WIF1: variants seen among roughly 807,000 people sequenced by gnomAD.
WIF1 encodes Wnt inhibitory factor 1.
A neutral mutation model predicts 53.5 loss-of-function variants in WIF1; 35 were observed. The ratio of observed to expected loss-of-function variants is 0.65; its 90% CI spans 0.50 to 0.87. The LOEUF is 0.87. Ranked by LOEUF, WIF1 falls within the 40% of genes least tolerant of loss-of-function variation. The pLI is 0.00. For missense variants in WIF1, 467 were observed against 476.8 expected, an observed-to-expected ratio of 0.98 and a Z score of 0.19; for synonymous variants, 171 against 170.4, an observed-to-expected ratio of 1.00 and a Z score of -0.03.
At chr12:65,083,022 C>G (rs1167988673) in intron 2 of WIF1, among the ~76,000 whole-genome samples, 1 of 152,134 alleles carries the variant, frequency 6.6e-6, no homozygotes, top group Non-Finnish European at 1.5e-5. Context: ...TTTATAGATA[C>G]AAAACACACA....
chr12:65,077,825 C>T lies in WIF1; in HGVS notation c.318G>A (p.Leu106=), dbSNP rs1489246637. The part of the protein sequence containing the change: ...QAEYFYEFLS[L]RSLDKGIMAD... ...CCATGATGCCTTTATCCAGGGAGCG[C>T]AAGGACAGGAATTCATAGAAGTATT... The change falls in exon 3 of 10, where the codon TTG becomes TTA. Residue 106 remains leucine (L), a synonymous_variant. Transcript: ENST00000286574. The T allele has an allele frequency of 1.9e-6, 3 of 1,613,674 alleles. No homozygotes were observed. Among genetic ancestry groups the T allele is most frequent in the Non-Finnish European group, 2.5e-6 (3 of 1,179,844 alleles).
intron 2 of WIF1, among the ~76,000 whole-genome samples, chr12:65,079,278 A>G (rs1882912690): frequency 6.6e-6 from 1 of 152,048 alleles, no homozygotes; most frequent in Non-Finnish European, 1.5e-5. Flanking sequence ...TGATAAAATG[A>G]ACTCCTTGAG....
chr12:65,116,769 C>T (rs1883517506), intron 2 of WIF1, among the ~76,000 whole-genome samples: 1 of 151,392 alleles, frequency 6.6e-6, no homozygotes, highest in Admixed American at 6.6e-5. Flanking sequence ...CCCGTCTCTA[C>T]TAAAGATACA....
At chr12:65,062,089 G>A (rs953729815) in intron 7 of WIF1, among the ~76,000 whole-genome samples, 7 of 152,094 alleles carry the variant, frequency 4.6e-5, no homozygotes, top group African/African-American at 9.7e-5. Context: ...GGCAGTGAGC[G>A]GCAGGGGAAA....
intron 6 of WIF1, among the ~76,000 whole-genome samples, chr12:65,063,098 C>T (rs940732904): frequency 6.6e-6 from 1 of 152,032 alleles, no homozygotes; most frequent in Non-Finnish European, 1.5e-5. Flanking sequence ...TTATGACTTT[C>T]GGAGAAAAGA....
chr12:65,087,340 C>T (rs1428450979), intron 2 of WIF1, among the ~76,000 whole-genome samples: 3 of 152,104 alleles, frequency 2.0e-5, no homozygotes, highest in African/African-American at 7.2e-5. Flanking sequence ...ACTTGAGTAG[C>T]ACATATAAGT....
intron 2 of WIF1, among the ~76,000 whole-genome samples, chr12:65,116,188 A>G (rs182778839): frequency 5.9e-4 from 90 of 152,298 alleles, no homozygotes; most frequent in African/African-American, 2.1e-3. Context: ...AGAATATACT[A>G]TATTATACAC....
intron 2 of WIF1, among the ~76,000 whole-genome samples, chr12:65,099,848 A>G (rs1439304286): frequency 6.6e-6 from 1 of 152,180 alleles, no homozygotes; most frequent in Non-Finnish European, 1.5e-5. Flanking sequence ...CCAGCCAGTA[A>G]TGTCAATAAC....
At chr12:65,055,753 C>T (rs571548645) in intron 8 of WIF1, among the ~76,000 whole-genome samples, 5 of 152,284 alleles carry the variant, frequency 3.3e-5, no homozygotes, top group Admixed American at 6.5e-5. Flanking sequence ...CCAGCCTGGG[C>T]GACAGAGAGA....
At chr12:65,103,269 C>T (rs540779732) in intron 2 of WIF1, among the ~76,000 whole-genome samples, 1 of 152,098 alleles carries the variant, frequency 6.6e-6, no homozygotes, top group Non-Finnish European at 1.5e-5. Context: ...CATGATTTTT[C>T]CTTAGTTTTT....
At position 65,067,741 on chromosome 12, in the gene WIF1, G is replaced by T. The variant is rs1223701488; in HGVS notation, c.588C>A (p.Arg196=). 6.2e-7 allele frequency: 1 copy of T among 1,613,392 alleles called. No individual in the cohort carries two copies. Among genetic ancestry groups the T allele is most frequent in the South Asian group, 1.1e-5 (1 of 91,078 alleles). ...CRNGGFCNER[R]ICECPDGFHG... is the part of the protein sequence containing the mutation. ...GGAACCCATCAGGACACTCGCAGAT[G>T]CGTCTTTCATTACAAAAGCCTCCAT... Residue 196 remains arginine, a synonymous_variant, in exon 5 of 10, where the codon CGC becomes CGA. Coordinates refer to ENST00000286574, the MANE Select transcript of WIF1 (RefSeq NM_007191.5).
At chr12:65,056,879 A>T (rs1023709963) in intron 7 of WIF1, among the ~76,000 whole-genome samples, 12 of 152,010 alleles carry the variant, frequency 7.9e-5, no homozygotes, top group Admixed American at 2.0e-4. Flanking sequence ...CGAACTCCTG[A>T]CCTCAAGTGA....
In WIF1 at chr12:65,051,045, A is replaced by G. The variant is rs1227716023; in HGVS notation, c.*304T>C. On this transcript the variant is annotated 3_prime_UTR_variant, in exon 10 of 10. Transcript: ENST00000286574. ...TGATGTTCCCCTGCCCCCAGACACC[A>G]TAAATGCATTGTAATTTTGAAAATA... 3.7e-6 allele frequency: 1 copy of G among 267,432 alleles called. No homozygotes were observed. Among genetic ancestry groups the G allele is most frequent in the Non-Finnish European group, 7.1e-6 (1 of 141,584 alleles). 16.6% of individuals were successfully genotyped at this position (267,432 alleles called of 1,614,324 possible).
At chr12:65,086,061 C>T (rs1280536802) in intron 2 of WIF1, among the ~76,000 whole-genome samples, 1 of 151,090 alleles carries the variant, frequency 6.6e-6, no homozygotes, top group African/African-American at 2.4e-5. Flanking sequence ...AGGTTTTTTA[C>T]TTTTATTTTT....
chr12:65,098,656 C>CTGTG (rs113954429), intron 2 of WIF1, among the ~76,000 whole-genome samples: 2,150 of 150,802 alleles, frequency 0.014, 62 homozygotes, highest in African/African-American at 0.049. Context: ...ACATTAAAGT[C>CTGTG]TGTGTGTGTG....
In WIF1 at chr12:65,066,700, C is replaced by CAA; in HGVS notation, c.669_670dup (p.Cys224PhefsTer3). 1.9e-6 allele frequency: 3 copies of CAA among 1,610,488 alleles called. No homozygotes were observed. The highest frequency in any genetic ancestry group is 2.5e-6 in the Non-Finnish European group (3 of 1,178,064). On this transcript the variant is annotated frameshift_variant, in exon 6 of 10. Coordinates refer to ENST00000286574, the MANE Select transcript of WIF1 (RefSeq NM_007191.5). LOFTEE classifies it high-confidence loss of function. ...GCAGATGCAGAAACCAGGAGTCACA[C>CAA]AAAGTCCACCATTCATACATCGTGG...
chr12:65,075,786 G>A (rs1882852059), intron 3 of WIF1, among the ~76,000 whole-genome samples: 1 of 152,180 alleles, frequency 6.6e-6, no homozygotes, highest in Admixed American at 6.5e-5. Flanking sequence ...GGATTTTAAA[G>A]CCTCTGCATA....
At chr12:65,112,404 TCACACACACACACACACACACACA>T (rs758383148) in intron 2 of WIF1, among the ~76,000 whole-genome samples, 2 of 123,536 alleles carry the variant, frequency 1.6e-5, no homozygotes, top group East Asian at 2.5e-4. Context: ...CCTGCTCTAA[TCACACACACACACACACACACACA>T]CACACACACA....
At chr12:65,101,808 C>A (rs1479809177) in intron 2 of WIF1, among the ~76,000 whole-genome samples, 1 of 152,124 alleles carries the variant, frequency 6.6e-6, no homozygotes, top group Non-Finnish European at 1.5e-5. Context: ...AGACAGGTCT[C>A]CTGAGGTCAG....
Sources: gnomAD v4.1 joint callset for allele counts (sites outside exome capture counted in the v4.1 genomes callset) on GRCh38, gnomAD v4.1.1 for gene constraint, MANE v1.5 for transcripts, NCBI Gene and HGNC (gene_info 2026-07-23, HGNC 2026-07-21) for gene names.